ZBTB7C: variants seen among roughly 807,000 people sequenced by gnomAD.
The protein encoded by ZBTB7C is zinc finger and BTB domain-containing protein 7C.
A neutral mutation model predicts 25.7 loss-of-function variants in ZBTB7C; 8 were observed. That is an observed-to-expected ratio of 0.31 (90% confidence interval 0.18 to 0.56). The LOEUF is 0.56. ZBTB7C is among the 20% of genes least tolerant of loss of function. ZBTB7C has a pLI of 0.91. For synonymous variants in ZBTB7C, 394 were observed against 369.0 expected, an observed-to-expected ratio of 1.07 and a Z score of -0.78; for missense variants, 824 against 855.2, an observed-to-expected ratio of 0.96 and a Z score of 0.46.
At chr18:48,133,333 G>A (rs558880452) in intron 3 of ZBTB7C, among the ~76,000 whole-genome samples, 22 of 152,340 alleles carry the variant, frequency 1.4e-4, no homozygotes, top group Non-Finnish European at 2.8e-4. Flanking sequence ...TAGATGGAGG[G>A]GGCCTTCCAA....
chr18:48,258,725 T>C (rs1461473296), intron 2 of ZBTB7C, among the ~76,000 whole-genome samples: 2 of 152,166 alleles, frequency 1.3e-5, no homozygotes, highest in Non-Finnish European at 2.9e-5. Context: ...TGGCATGATC[T>C]TGGCTCACTG....
chr18:48,327,288 TC>T (rs1465340251), intron 2 of ZBTB7C, among the ~76,000 whole-genome samples: 1 of 152,086 alleles, frequency 6.6e-6, no homozygotes, highest in Non-Finnish European at 1.5e-5. Context: ...ATCACCATCA[TC>T]CCAGCTCCTG....
chr18:48,163,931 A>G lies in ZBTB7C; in HGVS notation c.-17+22003T>C, dbSNP rs576468448. ...GCTGGAGGGGGTTAACTAGGTGGAC[A>G]GTTGGCGGAGGCTCCTGCCAGGTCA... is the stretch of plus-strand genomic sequence containing the variant. On this transcript the variant is annotated intron_variant, in intron 3 of 4. Coordinates refer to ENST00000590800, the MANE Select transcript of ZBTB7C (RefSeq NM_001318841.2). Among the ~76,000 whole-genome samples, 4 of 152,310 alleles carry G rather than the reference A, an allele frequency of 2.6e-5. No individual in the cohort carries two copies. The East Asian group carries it at 7.7e-4, about 29-fold the overall frequency.
At chr18:48,365,819 G>C (rs963746052) in intron 1 of ZBTB7C, among the ~76,000 whole-genome samples, 22 of 152,158 alleles carry the variant, frequency 1.4e-4, no homozygotes, top group Admixed American at 1.2e-3. Flanking sequence ...TCAAAAACTA[G>C]GCCATAATAG....
chr18:48,164,900 G>A (rs760911389), intron 3 of ZBTB7C, among the ~76,000 whole-genome samples: 8 of 152,140 alleles, frequency 5.3e-5, no homozygotes, highest in Non-Finnish European at 8.8e-5. Flanking sequence ...AGTTGGGATT[G>A]TTGTTGTCCT....
chr18:48,314,991 C>T (rs2045914485), intron 2 of ZBTB7C, among the ~76,000 whole-genome samples: 1 of 152,194 alleles, frequency 6.6e-6, no homozygotes, highest in Non-Finnish European at 1.5e-5. Context: ...AAGGAGCCCT[C>T]TGCAGAGGGC....
In ZBTB7C at chr18:48,257,651, T is replaced by C. The variant is rs1401373325; in HGVS notation, c.-78-71656A>G. On this transcript the variant is annotated intron_variant, in intron 2 of 4. Transcript: ENST00000590800. ...CTTCATGAACAAGATACAGAAATTG[T>C]AAATGAAATTTCAGCAAATAGAATT... Among the ~76,000 whole-genome samples, 3 of 152,246 alleles carry C rather than the reference T, an allele frequency of 2.0e-5. No homozygotes were observed. In the East Asian group the frequency reaches 5.8e-4, roughly 29 times the overall value.
At chr18:48,269,143 T>C (rs938403158) in intron 2 of ZBTB7C, among the ~76,000 whole-genome samples, 1 of 152,074 alleles carries the variant, frequency 6.6e-6, no homozygotes, top group African/African-American at 2.4e-5. Context: ...TTTGTATTTT[T>C]AGTATCGGCA....
chr18:48,173,834 C>T lies in ZBTB7C; in HGVS notation c.-17+12100G>A, dbSNP rs577766271. On this transcript the variant is annotated intron_variant, in intron 3 of 4. Transcript: ENST00000590800. ...TAGGTCCTGTCACTGGACTGTGTCACGGGGACTGATCTTGATGCCTCGTGT... is the reference window on the plus strand; with the variant it reads ...TAGGTCCTGTCACTGGACTGTGTCATGGGGACTGATCTTGATGCCTCGTGT... Among the ~76,000 whole-genome samples the T allele has an allele frequency of 1.4e-3, 206 of 152,324 alleles. 1 individual carries two copies. The highest frequency in any genetic ancestry group is 2.5e-3 in the Admixed American group (38 of 15,298).
intron 3 of ZBTB7C, among the ~76,000 whole-genome samples, chr18:48,127,223 C>G (rs556682383): frequency 6.6e-6 from 1 of 152,318 alleles, no homozygotes; most frequent in African/African-American, 2.4e-5. Flanking sequence ...TTGAACCAGG[C>G]CCTGATTCCA....
intron 1 of ZBTB7C, among the ~76,000 whole-genome samples, chr18:48,403,415 T>C (rs779642551): frequency 2.0e-5 from 3 of 152,252 alleles, no homozygotes; most frequent in Non-Finnish European, 4.4e-5. Context: ...AGAGTATGTA[T>C]GAACAAGCTT....
intron 3 of ZBTB7C, among the ~76,000 whole-genome samples, chr18:48,082,327 C>T (rs553582596): frequency 1.3e-5 from 2 of 152,302 alleles, no homozygotes; most frequent in African/African-American, 4.8e-5. Context: ...GGTAAAACTT[C>T]CACAATGGTG....
At chr18:48,158,406 G>A (rs1288069635) in intron 3 of ZBTB7C, among the ~76,000 whole-genome samples, 1 of 152,138 alleles carries the variant, frequency 6.6e-6, no homozygotes, top group African/African-American at 2.4e-5. Flanking sequence ...CTAGGAGCCA[G>A]GAGTCTAGCT....
chr18:48,167,979 G>T (rs954998875), intron 3 of ZBTB7C, among the ~76,000 whole-genome samples: 2 of 152,216 alleles, frequency 1.3e-5, no homozygotes, highest in East Asian at 3.9e-4. Flanking sequence ...GTGTGGGGAA[G>T]AGAGAAGGGA....
intron 2 of ZBTB7C, among the ~76,000 whole-genome samples, chr18:48,209,115 A>G (rs1213347466): frequency 6.6e-6 from 1 of 152,280 alleles, no homozygotes; most frequent in African/African-American, 2.4e-5. Context: ...GACAGAAAAG[A>G]GGACAGAAAA....
chr18:48,096,678 T>C (rs1018249212), intron 3 of ZBTB7C, among the ~76,000 whole-genome samples: 1 of 152,078 alleles, frequency 6.6e-6, no homozygotes, highest in African/African-American at 2.4e-5. Context: ...TCACTTTCGG[T>C]CATAAGTCTG....
chr18:48,203,394 A>G (rs2042502911), intron 2 of ZBTB7C: 2 of 152,310 alleles, frequency 1.3e-5, no homozygotes, highest in Non-Finnish European at 2.9e-5. Flanking sequence ...GCTCCGCTAC[A>G]GGGATCTTTC....
At chr18:48,118,510 T>C (rs2039522327) in intron 3 of ZBTB7C, among the ~76,000 whole-genome samples, 1 of 152,236 alleles carries the variant, frequency 6.6e-6, no homozygotes, top group South Asian at 2.1e-4. Context: ...ACTTTAATAG[T>C]AAAAAGTTCA....
At chr18:48,288,300 A>G (rs2045117089) in intron 2 of ZBTB7C, among the ~76,000 whole-genome samples, 1 of 152,106 alleles carries the variant, frequency 6.6e-6, no homozygotes, top group Admixed American at 6.6e-5. Flanking sequence ...GGACTTTGGG[A>G]AGTGATTAGG....
Sources: gnomAD v4.1 joint callset for allele counts (sites outside exome capture counted in the v4.1 genomes callset) on GRCh38, gnomAD v4.1.1 for gene constraint, MANE v1.5 for transcripts, NCBI Gene and HGNC (gene_info 2026-07-23, HGNC 2026-07-21) for gene names.